The following HEATR4 variants were observed in gnomAD, a reference collection of about 807,000 sequenced individuals.
The protein encoded by HEATR4 is HEAT repeat containing 4.
HEATR4 carries 95 observed loss-of-function variants against 108.8 expected under a neutral mutation model. The ratio of observed to expected loss-of-function variants is 0.87; its 90% CI spans 0.74 to 1.04. HEATR4 has a LOEUF of 1.04. Among genes scored for constraint, HEATR4 ranks in the 50% least tolerant of loss-of-function variants. The pLI is 0.00. For synonymous variants in HEATR4, 443 were observed against 459.4 expected, an observed-to-expected ratio of 0.96 and a Z score of 0.46; for missense variants, 1,152 against 1,253.8, an observed-to-expected ratio of 0.92 and a Z score of 1.23.
intron 7 of HEATR4, among the ~76,000 whole-genome samples, chr14:73,511,603 A>G (rs905891970): frequency 1.7e-4 from 26 of 149,666 alleles, no homozygotes; most frequent in African/African-American, 6.1e-4. Flanking sequence ...GGCTGGGCAC[A>G]GTGGCTCACG....
chr14:73,592,444 G>A, the HEATR4 span: 29 of 1,477,990 alleles, frequency 2.0e-5, no homozygotes, highest in East Asian at 6.7e-4. Context: ...CGGGTGGTGT[G>A]AGCGTCAGTG....
In HEATR4 at chr14:73,547,336, G is replaced by A. The variant is rs1414262129; in HGVS notation, c.-152+11415C>T. The stretch of plus-strand genomic sequence containing the variant: ...GCGGAGGTTGCAGAGAGCCAAGATC[G>A]TGCCACTGCACGCCAGCCTGGGCAA... On this transcript the variant is annotated intron_variant, in intron 1 of 17. Coordinates refer to ENST00000553558, the MANE Select transcript of HEATR4 (RefSeq NM_001220484.1). Among the ~76,000 whole-genome samples the A allele has an allele frequency of 5.2e-5, 6 of 116,032 alleles. 1 individual carries two copies. Among genetic ancestry groups the A allele is most frequent in the African/African-American group, 8.4e-5 (3 of 35,892 alleles). The allele number at this position is 116,032 out of a possible 152,430, so 76.1% of individuals were successfully genotyped here.
At chr14:73,619,744 C>T in the HEATR4 span, 68 of 1,613,830 alleles carry the variant, frequency 4.2e-5, 2 homozygotes, top group Middle Eastern at 3.5e-3. Flanking sequence ...GCCAAAGGCT[C>T]ACTCAAAGGC....
chr14:73,509,584 T>C, intron 7 of HEATR4, 111 bp from the exon 8 acceptor site: 2 of 1,005,794 alleles, frequency 2.0e-6, no homozygotes, highest in Non-Finnish European at 3.0e-6. Flanking sequence ...TGCAGTTGCT[T>C]AGTGCTATGT....
At chr14:73,586,389 C>T in the HEATR4 span, among the ~76,000 whole-genome samples, 7 of 150,040 alleles carry the variant, frequency 4.7e-5, no homozygotes, top group Admixed American at 3.3e-4. Context: ...AGCAAAACTC[C>T]GTCTCAAAAA....
the HEATR4 span, chr14:73,595,627 C>T: frequency 6.5e-7 from 1 of 1,528,666 alleles, no homozygotes; most frequent in Non-Finnish European, 8.8e-7. Flanking sequence ...TGGGAGGTAC[C>T]CAGAAAACAG....
chr14:73,571,207 GTCCC>G, the HEATR4 span: 1 of 152,418 alleles, frequency 6.6e-6, no homozygotes, highest in Non-Finnish European at 1.5e-5. Flanking sequence ...GAGCAGCCGC[GTCCC>G]TATGCATGGC....
chr14:73,539,743 G>A lies in HEATR4; in HGVS notation c.-151-9499C>T, dbSNP rs1282173650. The A allele has an allele frequency of 2.5e-5, 3 of 118,532 alleles. 1 individual carries two copies. The highest frequency in any genetic ancestry group is 2.8e-5 in the African/African-American group (1 of 36,268). 7.3% of individuals were successfully genotyped at this position (118,532 alleles called of 1,614,324 possible). A position where few individuals can be genotyped will look rare whatever the true frequency, so the allele number is the denominator to read the frequency against. ...GATGCCGTCTGGAAGCTGCCAGCAC[G>A]CGGTCCCTGTCCATCAGCACACGCG... On this transcript the variant is annotated intron_variant, in intron 1 of 17. Transcript: ENST00000553558.
intron 17 of HEATR4, among the ~76,000 whole-genome samples, chr14:73,480,457 A>G: frequency 6.6e-6 from 1 of 152,144 alleles, no homozygotes; most frequent in Non-Finnish European, 1.5e-5. Flanking sequence ...AAAAAGATTA[A>G]TCAATTATAA....
At chr14:73,517,664 T>TAA (rs1887687492) in intron 5 of HEATR4, among the ~76,000 whole-genome samples, 1 of 52,904 alleles carries the variant, frequency 1.9e-5, no homozygotes. Flanking sequence ...TGAGACCCTG[T>TAA]CAAAAAAAAA....
intron 17 of HEATR4, among the ~76,000 whole-genome samples, chr14:73,481,990 C>A (rs985663551): frequency 7.2e-5 from 11 of 151,916 alleles, no homozygotes; most frequent in Admixed American, 2.0e-4. Context: ...CAGGAGGAGA[C>A]CCTGTCTCAA....
chr14:73,569,182 C>T, the HEATR4 span: 1 of 1,582,078 alleles, frequency 6.3e-7, no homozygotes, highest in Non-Finnish European at 8.6e-7. Context: ...CTTCCCCGCT[C>T]ACGTTAGCAG....
intron 17 of HEATR4, among the ~76,000 whole-genome samples, chr14:73,490,810 G>T (rs1337154543): frequency 6.7e-6 from 1 of 150,298 alleles, no homozygotes; most frequent in African/African-American, 2.5e-5. Flanking sequence ...GTTTGGCAAG[G>T]GTTCTTGCCG....
At chr14:73,612,190 C>T in the HEATR4 span, among the ~76,000 whole-genome samples, 7 of 151,926 alleles carry the variant, frequency 4.6e-5, no homozygotes, top group Admixed American at 1.3e-4. Flanking sequence ...TACAGGCATG[C>T]GCCACCACAC....
At chr14:73,628,554 G>A in the HEATR4 span, among the ~76,000 whole-genome samples, 627 of 152,262 alleles carry the variant, frequency 4.1e-3, 5 homozygotes, top group African/African-American at 0.015. Flanking sequence ...AAGAGTTTGA[G>A]ACCAGCCTGA....
rs573762124 is a variant in HEATR4, at chr14:73,483,980, G to A, written c.2845-5138C>T. ...AGCGATTATCCTGTCTCAGCCTCCC[G>A]AGTAGCTGGGATTACAGGCATGCAC... On this transcript the variant is annotated intron_variant, in intron 17 of 17. Transcript: ENST00000553558. Among the ~76,000 whole-genome samples, 3 of 151,818 alleles carry A rather than the reference G, an allele frequency of 2.0e-5. No homozygotes were observed. The East Asian group carries it at 5.8e-4, about 29-fold the overall frequency.
the HEATR4 span, among the ~76,000 whole-genome samples, chr14:73,604,164 CTTTTTT>C: frequency 2.3e-4 from 28 of 120,768 alleles, no homozygotes; most frequent in Non-Finnish European, 3.4e-4. Flanking sequence ...TTGCTAATTT[CTTTTTT>C]TTTTTTTTTT....
the HEATR4 span, among the ~76,000 whole-genome samples, chr14:73,614,626 A>G: frequency 2.0e-5 from 3 of 152,132 alleles, no homozygotes; most frequent in South Asian, 6.2e-4. Flanking sequence ...TCACACATGT[A>G]GTCCCAGCTA....
Position 73,523,240 on chromosome 14 carries a change from G to A in HEATR4, c.-72-16C>T, listed in dbSNP as rs866829496. 1.0e-4 allele frequency: 134 copies of A among 1,331,052 alleles called. No homozygotes were observed. The African/African-American group carries it at 1.8e-3, about 18-fold the overall frequency. 82.5% of individuals were successfully genotyped at this position (1,331,052 alleles called of 1,614,324 possible). A position where few individuals can be genotyped will look rare whatever the true frequency, so the allele number is the denominator to read the frequency against. On this transcript the variant is annotated splice_polypyrimidine_tract_variant and intron_variant, in intron 2 of 17. Transcript: ENST00000553558. ...GACCTGGCACCTGTTAAGGGAATGG[G>A]AGGAACTGATGAGAACTCTAGAGCA...
Sources: allele counts gnomAD v4.1 joint callset (sites outside exome capture counted in the v4.1 genomes callset), GRCh38; gene constraint gnomAD v4.1.1; transcripts MANE v1.5; gene names NCBI Gene and HGNC (gene_info 2026-07-23, HGNC 2026-07-21).